Variants in USP15 observed in about 807,000 individuals in gnomAD.
The protein encoded by USP15 is ubiquitin carboxyl-terminal hydrolase 15.
Under a neutral mutation model 127.1 loss-of-function variants are expected in USP15, and 18 were observed. The ratio of observed to expected loss-of-function variants is 0.14; its 90% CI spans 0.10 to 0.21. The LOEUF (loss-of-function observed/expected upper bound fraction) is 0.21, where lower values mean the gene tolerates loss of function less well. Among genes scored for constraint, USP15 ranks in the 10% least tolerant of loss-of-function variants. The pLI, the probability that USP15 is intolerant of heterozygous loss-of-function variation, is 1.00. For synonymous variants in USP15, 364 were observed against 393.7 expected, an observed-to-expected ratio of 0.92 and a Z score of 0.89; for missense variants, 805 against 1,159.9, an observed-to-expected ratio of 0.69 and a Z score of 4.44.
At chr12:62,396,907 T>C (rs1592733144) in intron 20 of USP15, among the ~76,000 whole-genome samples, 1 of 152,282 alleles carries the variant, frequency 6.6e-6, no homozygotes, top group African/African-American at 2.4e-5. Context: ...TTCCTACCAC[T>C]GTAAGACTGA....
chr12:62,360,719 C>A (rs906519483), intron 8 of USP15, among the ~76,000 whole-genome samples: 1 of 152,020 alleles, frequency 6.6e-6, no homozygotes, highest in African/African-American at 2.4e-5. Context: ...ACACAAAACA[C>A]TTTTTAAAAA....
rs184888121 is a variant in USP15 at position 62,279,598 on chromosome 12, T to G, written c.90-14581T>G. ...CACCATATTATATAGTCTACAAGAG[T>G]TCCAATTTCTCCACATCCTCACCAA... On this transcript the variant is annotated intron_variant, in intron 1 of 21. Coordinates refer to ENST00000280377, the MANE Select transcript of USP15 (RefSeq NM_001252078.2). Among the ~76,000 whole-genome samples, 4 of 152,234 alleles carry G rather than the reference T, an allele frequency of 2.6e-5. No individual in the cohort carries two copies. The East Asian group carries it at 7.7e-4, about 29-fold the overall frequency.
At chr12:62,389,316 ACAAACACTAATC>A in intron 11 of USP15, 103 bp from the exon 12 acceptor site, 2 of 827,880 alleles carry the variant, frequency 2.4e-6, no homozygotes, top group Non-Finnish European at 3.7e-6. Context: ...AAGATTGGAG[ACAAACACTAATC>A]CAAATGCCAA....
At position 62,279,698 on chromosome 12, in the gene USP15, GC is replaced by G. The variant is rs1412258655; in HGVS notation, c.90-14479del. Among the ~76,000 whole-genome samples, 11 of 152,028 alleles carry G rather than the reference GC, an allele frequency of 7.2e-5. No individual in the cohort carries two copies. In the East Asian group the frequency reaches 2.1e-3, roughly 29 times the overall value. On this transcript the variant is annotated intron_variant, in intron 1 of 21. Transcript: ENST00000280377. ...TGATATCTCATTGTGGTTTTGATTTGCCTAATTAAGTGTTGTAACACCTTGA... is the reference window on the plus strand; with the variant it reads ...TGATATCTCATTGTGGTTTTGATTTGCTAATTAAGTGTTGTAACACCTTGA...
rs540456587 is a variant in USP15 at position 62,319,088 on chromosome 12, C to A, written c.476-2376C>A. ...TTAATTGACTTACAGTTCCATAGGC[C>A]GTACAGGAAGCATGGCTAGAAGGCC... On this transcript the variant is annotated intron_variant, in intron 4 of 21. Transcript: ENST00000280377. Among the ~76,000 whole-genome samples, 13 of 152,140 alleles carry A rather than the reference C, an allele frequency of 8.5e-5. No individual in the cohort carries two copies. The South Asian group carries it at 2.1e-3, about 24-fold the overall frequency.
At chr12:62,362,529 C>T (rs1383302421) in intron 8 of USP15, among the ~76,000 whole-genome samples, 1 of 152,108 alleles carries the variant, frequency 6.6e-6, no homozygotes, top group Non-Finnish European at 1.5e-5. Flanking sequence ...GGATATTTTT[C>T]ATCCTTCAAT....
intron 1 of USP15, among the ~76,000 whole-genome samples, chr12:62,273,807 T>C (rs2063405887): frequency 6.6e-6 from 1 of 152,104 alleles, no homozygotes; most frequent in Non-Finnish European, 1.5e-5. Flanking sequence ...AAGTTTCTGA[T>C]AGTCAAAGCT....
chr12:62,401,199 C>CA lies in USP15; in HGVS notation c.2693dup (p.Asn898LysfsTer2). The CA allele has an allele frequency of 6.2e-7, 1 of 1,609,938 alleles. No homozygotes were observed. Among genetic ancestry groups the CA allele is most frequent in the Non-Finnish European group, 8.5e-7 (1 of 1,177,952 alleles). On this transcript the variant is annotated frameshift_variant, in exon 21 of 22. Transcript: ENST00000280377. LOFTEE classifies it high-confidence loss of function. ...TTTTTTTCATTAGATACTGCTTTTGCAAAAAATAAAGATGATGGAAAATGG... is the reference window on the plus strand; with the variant it reads ...TTTTTTTCATTAGATACTGCTTTTGCAAAAAAATAAAGATGATGGAAAATGG...
chr12:62,388,536 C>T lies in USP15; in HGVS notation c.1474-895C>T, dbSNP rs1204854187. Among the ~76,000 whole-genome samples the T allele has an allele frequency of 7.9e-5, 12 of 152,288 alleles. No individual in the cohort carries two copies. The East Asian group carries it at 1.5e-3, about 20-fold the overall frequency. Reference sequence around the variant, plus strand: ...TGTCAAAGGATCAATTGATATTGGGCACTGTGGATTTGTAGCACACCAGCC... The same window carrying T: ...TGTCAAAGGATCAATTGATATTGGGTACTGTGGATTTGTAGCACACCAGCC... On this transcript the variant is annotated intron_variant, in intron 11 of 21. Coordinates refer to ENST00000280377, the MANE Select transcript of USP15 (RefSeq NM_001252078.2).
chr12:62,355,894 T>G (rs186749090), intron 8 of USP15, among the ~76,000 whole-genome samples: 91 of 151,162 alleles, frequency 6.0e-4, no homozygotes, highest in African/African-American at 2.2e-3. Flanking sequence ...AACTTCTTTT[T>G]GTATACATAC....
chr12:62,338,614 A>T (rs2065553391), intron 6 of USP15, among the ~76,000 whole-genome samples: 1 of 152,136 alleles, frequency 6.6e-6, no homozygotes, highest in Admixed American at 6.6e-5. Context: ...TTTGGGTTTT[A>T]CATTTAAGTC....
At chr12:62,342,160 G>A (rs181703311) in intron 6 of USP15, among the ~76,000 whole-genome samples, 30 of 151,986 alleles carry the variant, frequency 2.0e-4, no homozygotes, top group Admixed American at 1.2e-3. Context: ...TCAGCAAGGT[G>A]ATCTTCAATC....
intron 2 of USP15, among the ~76,000 whole-genome samples, chr12:62,299,724 T>C (rs959091520): frequency 6.6e-6 from 1 of 152,232 alleles, no homozygotes; most frequent in Non-Finnish European, 1.5e-5. Flanking sequence ...GTTGTTTAAC[T>C]ATTTTAGGAA....
intron 6 of USP15, chr12:62,336,432 CTAGT>C (rs1409177531): frequency 3.0e-6 from 3 of 985,422 alleles, no homozygotes; most frequent in African/African-American, 3.5e-5. Context: ...CTTCTCTTGT[CTAGT>C]TAGTCAGCAA....
chr12:62,348,256 T>C (rs1221126405), intron 6 of USP15, among the ~76,000 whole-genome samples: 5 of 152,188 alleles, frequency 3.3e-5, no homozygotes, highest in Non-Finnish European at 2.9e-5. Context: ...TTTTTATATT[T>C]AAAAAATTTT....
In USP15 at chr12:62,412,842, G is replaced by C. The variant is rs2068069423; in HGVS notation, c.*8467G>C. 6.6e-6 allele frequency: 1 copy of C among 152,188 alleles called. No individual in the cohort carries two copies. Among genetic ancestry groups the C allele is most frequent in the South Asian group, 2.1e-4 (1 of 4,832 alleles). The allele number at this position is 152,188 out of a possible 1,614,324, so 9.4% of individuals were successfully genotyped here. A position where few individuals can be genotyped will look rare whatever the true frequency, so the allele number is the denominator to read the frequency against. On this transcript the variant is annotated 3_prime_UTR_variant, in exon 22 of 22. Coordinates refer to ENST00000280377, the MANE Select transcript of USP15 (RefSeq NM_001252078.2). ...TGTAATTAACTTCTTTCAAACTCTTGTTAATGTTGATATTTTGACTCCCAT... is the reference window on the plus strand; with the variant it reads ...TGTAATTAACTTCTTTCAAACTCTTCTTAATGTTGATATTTTGACTCCCAT...
chr12:62,405,957 A>T lies in USP15; in HGVS notation c.*1582A>T, dbSNP rs2067853537. 1.3e-5 allele frequency: 2 copies of T among 150,914 alleles called. No homozygotes were observed. Among genetic ancestry groups the T allele is most frequent in the Admixed American group, 1.3e-4 (2 of 15,058 alleles). The allele number at this position is 150,914 out of a possible 1,614,324, so 9.3% of individuals were successfully genotyped here. On this transcript the variant is annotated 3_prime_UTR_variant, in exon 22 of 22. Transcript: ENST00000280377. ...CTGGTTTATCATCCTGGTATTTTAA[A>T]AGCTGCTTTGGGGTTTTTTTTTTCT...
At chr12:62,323,746 A>G (rs142569333) in intron 5 of USP15, among the ~76,000 whole-genome samples, 8 of 152,310 alleles carry the variant, frequency 5.3e-5, no homozygotes, top group Middle Eastern at 3.4e-3. Context: ...CTTTTCAGCA[A>G]TCCTCTGAAA....
At chr12:62,315,015 T>C in intron 4 of USP15, 99 bp downstream of exon 4, 2 of 1,167,744 alleles carry the variant, frequency 1.7e-6, no homozygotes, top group Non-Finnish European at 2.3e-6. Context: ...ATTTTAAGGA[T>C]TTATATATAG....
Sources: gnomAD v4.1 joint callset for allele counts (sites outside exome capture counted in the v4.1 genomes callset) on GRCh38, gnomAD v4.1.1 for gene constraint, MANE v1.5 for transcripts, NCBI Gene and HGNC (gene_info 2026-07-23, HGNC 2026-07-21) for gene names.